Variants in POLR2F observed in about 807,000 individuals in gnomAD.
The protein encoded by POLR2F is RNA polymerase II, I and III subunit F, also known as DNA-directed RNA polymerases I, II, and III subunit RPABC2.
A neutral mutation model predicts 22.7 loss-of-function variants in POLR2F; 12 were observed. The ratio of observed to expected loss-of-function variants is 0.53; its 90% confidence interval spans 0.34 to 0.86. POLR2F has a LOEUF of 0.86. Among genes scored for constraint, POLR2F ranks in the 40% least tolerant of loss-of-function variants. POLR2F has a pLI of 0.02. For synonymous variants in POLR2F, 57 were observed against 66.0 expected (o/e 0.86, Z 0.66); for missense variants, 126 against 171.5 (o/e 0.73, Z 1.48).
chr22:37,973,326 C>A, downstream of POLR2F: 1 of 585,692 alleles, frequency 1.7e-6, no homozygotes, highest in Non-Finnish European at 3.0e-6. Context: ...CTGGATGGGG[C>A]GGGTGGGTCA....
At chr22:38,000,486 C>G (rs1220402947) in intron 1 of POLR2F, among the ~76,000 whole-genome samples, 2 of 152,144 alleles carry the variant, frequency 1.3e-5, no homozygotes, top group Non-Finnish European at 2.9e-5. Context: ...GAAGGTGGAG[C>G]CTTTTGCAAA....
chr22:37,993,090 G>T (rs1212994813), intron 1 of POLR2F, among the ~76,000 whole-genome samples: 1 of 152,160 alleles, frequency 6.6e-6, no homozygotes, highest in East Asian at 1.9e-4. Flanking sequence ...GAAGAGAGGG[G>T]GCAGAGGGGA....
chr22:37,955,237 A>C (rs922411990), intron 1 of POLR2F, among the ~76,000 whole-genome samples: 1 of 147,840 alleles, frequency 6.8e-6, no homozygotes, highest in African/African-American at 2.5e-5. Flanking sequence ...GAGGAAAAGC[A>C]CATGTTGAAA....
At chr22:37,977,384 G>A (rs1601881752) in intron 4 of POLR2F, among the ~76,000 whole-genome samples, 1 of 150,856 alleles carries the variant, frequency 6.6e-6, no homozygotes, top group Non-Finnish European at 1.5e-5. Flanking sequence ...GCAGTGGCGC[G>A]ATCCCGGCTC....
rs1339116915 is a variant in POLR2F at position 37,978,448 on chromosome 22, C to G, written c.293+11278C>G. Among the ~76,000 whole-genome samples the G allele has an allele frequency of 6.6e-6, 1 of 152,228 alleles. No individual in the cohort carries two copies. Among genetic ancestry groups the G allele is most frequent in the Non-Finnish European group, 1.5e-5 (1 of 68,040 alleles). ...AAGTAGGAGTAGAGGTTTCAAGGGG[C>G]AGATGCCAGTTCAAGGAAAGGAAAA... is the stretch of plus-strand genomic sequence containing the variant. On this transcript the variant is annotated intron_variant, in intron 4 of 4. Coordinates refer to the POLR2F transcript ENST00000405557. The surrounding 1 kb of genome is among the most constrained non-coding windows in gnomAD (Gnocchi z 5.0).
chr22:37,975,630 C>T (rs1932197889), intron 4 of POLR2F, among the ~76,000 whole-genome samples: 1 of 152,212 alleles, frequency 6.6e-6, no homozygotes, highest in Admixed American at 6.5e-5. Context: ...CTTCATCAGA[C>T]CAGAGGCAGC....
upstream of POLR2F, chr22:37,983,512 G>T (rs779380887): frequency 6.2e-7 from 1 of 1,610,232 alleles, no homozygotes; most frequent in Admixed American, 1.7e-5. The surrounding 1 kb of genome is among the most constrained non-coding windows in gnomAD (Gnocchi z 9.5). Context: ...TGACGCGCAC[G>T]GGCATGGGCA....
chr22:38,000,359 A>G (rs1004769246), intron 1 of POLR2F, among the ~76,000 whole-genome samples: 1 of 152,240 alleles, frequency 6.6e-6, no homozygotes, highest in Non-Finnish European at 1.5e-5. Flanking sequence ...AGGCTCTTCT[A>G]CATTGGGCTA....
At chr22:37,959,177 G>A (rs1418968624) in intron 2 of POLR2F, among the ~76,000 whole-genome samples, 169 bp from the exon 3 acceptor site, 2 of 152,176 alleles carry the variant, frequency 1.3e-5, no homozygotes, top group Admixed American at 6.6e-5. Flanking sequence ...GCCTCATAAG[G>A]TTATTGTAAG....
chr22:37,994,981 T>C (rs1317558212), intron 1 of POLR2F, among the ~76,000 whole-genome samples: 1 of 152,156 alleles, frequency 6.6e-6, no homozygotes, highest in Non-Finnish European at 1.5e-5. Context: ...AGGTGGCAAA[T>C]TGAGAAATCA....
chr22:38,032,876 G>A (rs890583901), intron 5 of POLR2F: 1 of 163,638 alleles, frequency 6.1e-6, no homozygotes, highest in African/African-American at 2.4e-5. Context: ...GGGAGGTGGG[G>A]AGGCCAAGCT....
downstream of POLR2F, chr22:37,971,356 C>A (rs960804580): frequency 4.3e-6 from 2 of 467,554 alleles, no homozygotes; most frequent in African/African-American, 4.0e-5. Context: ...TGACATAAAA[C>A]CCTTGGTGGA....
At position 38,017,564 on chromosome 22, in the gene POLR2F, A is replaced by G. The variant is rs1353639147; in HGVS notation, c.121-8305A>G. Among the ~76,000 whole-genome samples the G allele has an allele frequency of 1.3e-5, 2 of 152,128 alleles. No individual in the cohort carries two copies. The highest frequency in any genetic ancestry group is 2.9e-5 in the Non-Finnish European group (2 of 68,018). On this transcript the variant is annotated intron_variant, in intron 1 of 2. Coordinates refer to the POLR2F transcript ENST00000333418. This position sits in a 1 kb window ranked among gnomAD's most constrained non-coding sequence, Gnocchi z 4.1. ...TTCCAGATCTGGCAGTCTGGGCTGT[A>G]TCTAGGGCTATGTCCAGGTTGTAGG...
chr22:37,986,239 G>A lies in POLR2F; in HGVS notation c.49G>A (p.Gly17Ser), dbSNP rs754505144. ...GGACGAGCATCTGCCGTCGTGTCCC[G>A]GCTGCCCTGCAGTCGCCTCCAACAC... Residue 17 changes from glycine (G) to serine (S), a missense_variant, in exon 1 of 3, where the codon GGC (glycine) becomes AGC (serine). By Grantham distance (56) the Gly-to-Ser change is moderately conservative. Transcript: ENST00000333418. This position sits in a 1 kb window ranked among gnomAD's most constrained non-coding sequence, Gnocchi z 4.7. 9.3e-5 allele frequency: 143 copies of A among 1,540,796 alleles called. 2 individuals carry two copies. The Middle Eastern group carries it at 1.3e-3, about 14-fold the overall frequency.
In POLR2F at chr22:38,017,751, G is replaced by T. The variant is rs2084927455; in HGVS notation, c.121-8118G>T. On this transcript the variant is annotated intron_variant, in intron 1 of 2. Coordinates refer to the POLR2F transcript ENST00000333418. The surrounding 1 kb of genome is among the most constrained non-coding windows in gnomAD (Gnocchi z 4.1). ...CCGCTGGCACAGCTCCAGTGACATG[G>T]AGCTCACTCCTCACATGGCTTGCTC... 6.6e-6 allele frequency among the ~76,000 whole-genome samples: 1 copy of T among 152,172 alleles called. No homozygotes were observed. The highest frequency in any genetic ancestry group is 1.5e-5 in the Non-Finnish European group (1 of 68,028).
chr22:37,973,368 G>A (rs1321806381), downstream of POLR2F: 12 of 666,154 alleles, frequency 1.8e-5, no homozygotes, highest in Non-Finnish European at 2.3e-5. Flanking sequence ...AAAGCCCCCC[G>A]ACCTGTCAGC....
intron 1 of POLR2F, among the ~76,000 whole-genome samples, chr22:38,025,216 C>T (rs551901280): frequency 3.4e-4 from 51 of 152,232 alleles, no homozygotes; most frequent in African/African-American, 7.0e-4. Flanking sequence ...GGTCCCTTCA[C>T]GGTGACACAT....
downstream of POLR2F, among the ~76,000 whole-genome samples, chr22:38,028,916 T>C (rs1040578938): frequency 1.2e-4 from 19 of 152,206 alleles, no homozygotes; most frequent in African/African-American, 4.6e-4. Flanking sequence ...CCCCGGCCAC[T>C]CCATCACAGC....
intron 4 of POLR2F, among the ~76,000 whole-genome samples, chr22:37,976,329 G>A (rs1271699064): frequency 5.9e-5 from 9 of 152,200 alleles, no homozygotes; most frequent in African/African-American, 2.2e-4. Context: ...CTGTGTAGCT[G>A]GGACTGCGGG....
Sources: allele counts gnomAD v4.1 joint callset (sites outside exome capture counted in the v4.1 genomes callset), GRCh38; gene constraint gnomAD v4.1.1; non-coding constraint Gnocchi (gnomAD v3.1); transcripts MANE v1.5; gene names NCBI Gene and HGNC (gene_info 2026-07-23, HGNC 2026-07-21).